The following RNF14 variants were observed in gnomAD, a reference collection of about 807,000 sequenced individuals.
The protein encoded by RNF14 is ring finger protein 14, also known as E3 ubiquitin-protein ligase RNF14.
Under a neutral mutation model 52.6 loss-of-function variants are expected in RNF14, and 26 were observed. That is an observed-to-expected ratio of 0.49 (90% CI 0.36 to 0.69). RNF14 has a LOEUF of 0.69. RNF14 is among the 30% of genes least tolerant of loss of function. The pLI is 0.00. For missense variants in RNF14, 404 were observed against 560.4 expected (o/e 0.72, Z 2.82); for synonymous variants, 194 against 202.0 (o/e 0.96, Z 0.34).
Position 141,989,385 on chromosome 5 carries a change from C to T in RNF14, c.*1595C>T, listed in dbSNP as rs761717659. The T allele has an allele frequency of 6.6e-6, 1 of 152,122 alleles. No individual in the cohort carries two copies. The highest frequency in any genetic ancestry group is 2.4e-5 in the African/African-American group (1 of 41,428). 9.4% of individuals were successfully genotyped at this position (152,122 alleles called of 1,614,324 possible). A position where few individuals can be genotyped will look rare whatever the true frequency, so the allele number is the denominator to read the frequency against. ...TAGTTTCATGGTCTTCCATTCAGGA[C>T]ATTTTGTGTAAAAATTGAGGTTAAT... On this transcript the variant is annotated 3_prime_UTR_variant, in exon 9 of 9. Coordinates refer to ENST00000394520, the MANE Select transcript of RNF14 (RefSeq NM_004290.5).
At chr5:141,956,385 C>G, upstream of RNF14, 1 of 1,614,192 alleles carries the variant, frequency 6.2e-7, no homozygotes, top group South Asian at 1.1e-5. Flanking sequence ...CATTAATGCC[C>G]AAGTCTGCAT....
At chr5:141,985,961 A>G (rs563614667) in intron 8 of RNF14, among the ~76,000 whole-genome samples, 2 of 152,316 alleles carry the variant, frequency 1.3e-5, no homozygotes, top group East Asian at 1.9e-4. Context: ...TATTTGCTAT[A>G]AACTGGAAGT....
chr5:141,972,174 AC>A (rs962343248), intron 2 of RNF14, among the ~76,000 whole-genome samples: 25 of 151,740 alleles, frequency 1.6e-4, no homozygotes, highest in Non-Finnish European at 3.1e-4. Context: ...CTGTTTTCTC[AC>A]CTGGGAGCAA....
rs779502102 is a variant in RNF14, at chr5:141,983,397, C to A, written c.1081C>A (p.Arg361=). ...CTTTGTAGAGAAATTAATGGACTTA[C>A]GAAATGAATACCTGCAAGCGGATGA... ...KVTAEKLMDL[R]NEYLQADEAN... The change falls in exon 7 of 9, where the codon CGA becomes AGA. Residue 361 remains arginine (R), a synonymous_variant. Coordinates refer to ENST00000394520, the MANE Select transcript of RNF14 (RefSeq NM_004290.5). 4.3e-6 allele frequency: 7 copies of A among 1,611,972 alleles called. No homozygotes were observed. The highest frequency in any genetic ancestry group is 2.2e-5 in the East Asian group (1 of 44,794).
chr5:141,982,317 T>G (rs930594617), intron 6 of RNF14, among the ~76,000 whole-genome samples: 1 of 152,164 alleles, frequency 6.6e-6, no homozygotes, highest in African/African-American at 2.4e-5. Flanking sequence ...GGGATGAGAT[T>G]TACATTGCTT....
At chr5:141,960,605 G>T (rs940268976) in intron 1 of RNF14, among the ~76,000 whole-genome samples, 1 of 152,172 alleles carries the variant, frequency 6.6e-6, no homozygotes, top group African/African-American at 2.4e-5. Context: ...TGAAGGTCGT[G>T]GAGTGCTTTT....
intron 2 of RNF14, among the ~76,000 whole-genome samples, chr5:141,972,664 C>T (rs7719153): frequency 0.11 from 16,870 of 152,072 alleles, 1,153 homozygotes; most frequent in African/African-American, 0.19. Flanking sequence ...AATCTCAGCT[C>T]ACTGCAACCT....
chr5:141,956,791 A>T (rs1753192031), upstream of RNF14: 3 of 1,614,264 alleles, frequency 1.9e-6, no homozygotes, highest in Non-Finnish European at 2.5e-6. Flanking sequence ...GGCCCATGTG[A>T]CGTGGATGCT....
intron 3 of RNF14, among the ~76,000 whole-genome samples, chr5:141,974,423 G>A (rs574921297): frequency 6.6e-6 from 1 of 152,314 alleles, no homozygotes; most frequent in East Asian, 1.9e-4. Flanking sequence ...GCTGGTCTAA[G>A]TAGGTCATGC....
intron 5 of RNF14, among the ~76,000 whole-genome samples, chr5:141,979,219 C>T (rs918452910): frequency 6.9e-6 from 1 of 145,402 alleles, no homozygotes; most frequent in Non-Finnish European, 1.5e-5. Context: ...GTACAGCCTA[C>T]TTAGGTGGTG....
intron 1 of RNF14, among the ~76,000 whole-genome samples, chr5:141,959,464 A>G (rs1321391005): frequency 6.6e-6 from 1 of 152,104 alleles, no homozygotes; most frequent in Non-Finnish European, 1.5e-5. Context: ...CCAGCCTTAT[A>G]CCCACTTCAA....
intron 4 of RNF14, among the ~76,000 whole-genome samples, chr5:141,977,114 A>C (rs1754340420): frequency 6.6e-6 from 1 of 152,212 alleles, no homozygotes; most frequent in Non-Finnish European, 1.5e-5. Context: ...TTGAGAAGGG[A>C]CTGGGGTAGA....
chr5:141,989,214 C>T lies in RNF14; in HGVS notation c.*1424C>T, dbSNP rs926809737. On this transcript the variant is annotated 3_prime_UTR_variant, in exon 9 of 9. Coordinates refer to ENST00000394520, the MANE Select transcript of RNF14 (RefSeq NM_004290.5). ...ACAGAGTTGCTGCTATTTGTTCTGT[C>T]ACCAAGGCAACTAATCACATTTTAA... 3.3e-5 allele frequency: 5 copies of T among 152,338 alleles called. No homozygotes were observed. Among genetic ancestry groups the T allele is most frequent in the Non-Finnish European group, 5.9e-5 (4 of 68,006 alleles). 9.4% of individuals were successfully genotyped at this position (152,338 alleles called of 1,614,324 possible).
intron 3 of RNF14, 33 bp from the exon 4 acceptor site, chr5:141,974,771 A>G (rs748926113): frequency 8.7e-6 from 14 of 1,611,590 alleles, no homozygotes; most frequent in East Asian, 2.2e-5. Flanking sequence ...GTGTTGACCA[A>G]CTGATCCTTT....
At chr5:141,961,091 A>G (rs1753271603) in intron 1 of RNF14, among the ~76,000 whole-genome samples, 1 of 152,248 alleles carries the variant, frequency 6.6e-6, no homozygotes, top group Non-Finnish European at 1.5e-5. Context: ...ACGTGGACCA[A>G]GGCCACAGAA....
chr5:141,975,146 T>A (rs1754133003), intron 4 of RNF14, among the ~76,000 whole-genome samples, 191 bp downstream of exon 4: 1 of 152,260 alleles, frequency 6.6e-6, no homozygotes. Flanking sequence ...TAAAAAGGAA[T>A]GGCAGTAATT....
chr5:141,962,874 G>T (rs1282452063), upstream of RNF14, among the ~76,000 whole-genome samples: 1 of 152,102 alleles, frequency 6.6e-6, no homozygotes, highest in Non-Finnish European at 1.5e-5. Context: ...CTGGTGTACA[G>T]ATTTCAATTT....
chr5:141,957,202 T>A (rs1753199905), upstream of RNF14: 1 of 1,614,208 alleles, frequency 6.2e-7, no homozygotes, highest in Non-Finnish European at 8.5e-7. The surrounding 1 kb of genome is among the most constrained non-coding windows in gnomAD (Gnocchi z 4.3). Flanking sequence ...CCCATTGTCA[T>A]AGGCAGTTAA....
Position 141,987,729 on chromosome 5 carries a change from C to T in RNF14, c.1368-4C>T. 6.2e-7 allele frequency: 1 copy of T among 1,613,818 alleles called. No individual in the cohort carries two copies. The highest frequency in any genetic ancestry group is 8.5e-7 in the Non-Finnish European group (1 of 1,179,854). The stretch of plus-strand genomic sequence containing the variant: ...TAAAAATGTACCTTTTTTAATGCTT[C>T]CAGGCTGTTTTATGCTGTGGATGTT... On this transcript the variant is annotated splice_polypyrimidine_tract_variant and splice_region_variant and intron_variant, in intron 8 of 8. Coordinates refer to ENST00000394520, the MANE Select transcript of RNF14 (RefSeq NM_004290.5).
Sources: allele counts gnomAD v4.1 joint callset (sites outside exome capture counted in the v4.1 genomes callset), GRCh38; gene constraint gnomAD v4.1.1; non-coding constraint Gnocchi (gnomAD v3.1); transcripts MANE v1.5; gene names NCBI Gene and HGNC (gene_info 2026-07-23, HGNC 2026-07-21).